Variants in CACNA1C observed in about 807,000 individuals in gnomAD.
CACNA1C encodes the protein calcium voltage-gated channel subunit alpha1 C, also known as voltage-dependent L-type calcium channel subunit alpha-1C.
A neutral mutation model predicts 229.0 loss-of-function variants in CACNA1C; 30 were observed. The observed-to-expected ratio is 0.13, with a 90% CI of 0.10 to 0.18. CACNA1C has a LOEUF of 0.18. CACNA1C is among the 10% of genes least tolerant of loss of function. The pLI, the probability that CACNA1C is intolerant of heterozygous loss-of-function variation, is 1.00. For missense variants in CACNA1C, 1,658 were observed against 2,845.0 expected, an observed-to-expected ratio of 0.58 and a Z score of 9.49; for synonymous variants, 1,114 against 1,132.5, an observed-to-expected ratio of 0.98 and a Z score of 0.33.
At chr12:2,113,153 G>A (rs933842506) in intron 1 of CACNA1C, among the ~76,000 whole-genome samples, 2 of 152,196 alleles carry the variant, frequency 1.3e-5, no homozygotes, top group East Asian at 1.9e-4. Flanking sequence ...CCTCACCTGC[G>A]TGTGGCTCAG....
At chr12:2,046,670 G>C (rs12301710) in intron 1 of CACNA1C, among the ~76,000 whole-genome samples, 1 of 152,118 alleles carries the variant, frequency 6.6e-6, no homozygotes, top group African/African-American at 2.4e-5. Context: ...ACCACACCTT[G>C]TTATCCTAAC....
chr12:2,644,357 C>T (rs1230265142), intron 30 of CACNA1C, among the ~76,000 whole-genome samples: 5 of 152,188 alleles, frequency 3.3e-5, no homozygotes, highest in African/African-American at 4.8e-5. Flanking sequence ...CTCTGGCCAC[C>T]TGACCGCAGG....
chr12:2,011,695 TC>T (rs1463246661), intron 1 of CACNA1C, among the ~76,000 whole-genome samples: 4 of 152,166 alleles, frequency 2.6e-5, no homozygotes, highest in African/African-American at 9.7e-5. Context: ...TGAAATTAGG[TC>T]AGGAAAGCAG....
intron 3 of CACNA1C, among the ~76,000 whole-genome samples, chr12:2,210,165 A>G (rs1001459858): frequency 3.9e-5 from 6 of 152,250 alleles, no homozygotes; most frequent in African/African-American, 1.4e-4. Flanking sequence ...TCTGATCTTC[A>G]GCCTGATGTG....
At chr12:2,497,908 A>G (rs2099750056) in intron 7 of CACNA1C, among the ~76,000 whole-genome samples, 1 of 150,258 alleles carries the variant, frequency 6.7e-6, no homozygotes, top group Non-Finnish European at 1.5e-5. Context: ...TGTCAGCTCC[A>G]CCCTTCATCT....
At chr12:2,450,357 A>T (rs1342776077) in intron 4 of CACNA1C, among the ~76,000 whole-genome samples, 1 of 151,834 alleles carries the variant, frequency 6.6e-6, no homozygotes, top group Non-Finnish European at 1.5e-5. Context: ...GATCGAGACC[A>T]TCCTGGCTAA....
At chr12:2,030,992 C>T (rs2048121684) in intron 1 of CACNA1C, among the ~76,000 whole-genome samples, 1 of 151,612 alleles carries the variant, frequency 6.6e-6, no homozygotes, top group African/African-American at 2.4e-5. Context: ...CAAGAACTCA[C>T]AGGTGTGTGC....
intron 3 of CACNA1C, among the ~76,000 whole-genome samples, chr12:2,137,809 A>G (rs1201632132): frequency 2.0e-5 from 3 of 151,536 alleles, no homozygotes; most frequent in Non-Finnish European, 4.4e-5. Flanking sequence ...TGACCTTTCC[A>G]AGATGGGTGG....
At chr12:2,497,692 C>A (rs915811629) in intron 7 of CACNA1C, among the ~76,000 whole-genome samples, 1 of 152,060 alleles carries the variant, frequency 6.6e-6, no homozygotes, top group African/African-American at 2.4e-5. Context: ...TCTCCGTGAT[C>A]AGTTCTTCGA....
chr12:2,121,763 G>A (rs998300794), intron 3 of CACNA1C, among the ~76,000 whole-genome samples: 2 of 152,194 alleles, frequency 1.3e-5, no homozygotes, highest in African/African-American at 4.8e-5. Context: ...CCTTCCCTTG[G>A]TTCCATTTCT....
intron 5 of CACNA1C, among the ~76,000 whole-genome samples, chr12:2,483,892 T>G (rs1347558601): frequency 6.6e-6 from 1 of 152,156 alleles, no homozygotes; most frequent in Non-Finnish European, 1.5e-5. Context: ...GACACCTATC[T>G]GGAAAGCAGG....
Position 2,690,999 on chromosome 12 carries a change from G to T in CACNA1C, c.6217G>T (p.Glu2073Ter), listed in dbSNP as rs1242078709. Residue 2073 changes from glutamate (E) to a stop codon, truncating the protein, a stop_gained, in exon 47 of 47, where the codon GAG becomes TAG. Coordinates refer to ENST00000399655, the MANE Select transcript of CACNA1C (RefSeq NM_000719.7). LOFTEE classifies it low-confidence loss of function (END_TRUNC). ...LADACDMTIE[E>*]MESAADNILS... The stretch of plus-strand genomic sequence containing the variant: ...CGACGCCTGCGACATGACCATAGAG[G>T]AGATGGAGAGCGCGGCCGACAACAT... 6.2e-7 allele frequency: 1 copy of T among 1,600,610 alleles called. No individual in the cohort carries two copies. Among genetic ancestry groups the T allele is most frequent in the East Asian group, 2.3e-5 (1 of 44,154 alleles).
intron 3 of CACNA1C, among the ~76,000 whole-genome samples, chr12:2,294,307 G>A (rs1209433020): frequency 6.6e-6 from 1 of 152,132 alleles, no homozygotes; most frequent in Non-Finnish European, 1.5e-5. Context: ...AGAAGGAAGA[G>A]CGTGGCCCAT....
intron 3 of CACNA1C, among the ~76,000 whole-genome samples, chr12:2,120,654 CTCTG>C (rs1304500232): frequency 2.0e-5 from 2 of 98,884 alleles, no homozygotes; most frequent in East Asian, 3.2e-4. Context: ...TGGTGGTGAG[CTCTG>C]TGTGTGTGTG....
chr12:2,545,220 T>TA (rs1034562745), intron 9 of CACNA1C, among the ~76,000 whole-genome samples: 55 of 151,104 alleles, frequency 3.6e-4, no homozygotes, highest in Middle Eastern at 3.4e-3. Flanking sequence ...TGATTTTTTT[T>TA]TTTTTTTTTG....
At chr12:2,230,903 A>G (rs1225468328) in intron 3 of CACNA1C, among the ~76,000 whole-genome samples, 1 of 152,196 alleles carries the variant, frequency 6.6e-6, no homozygotes, top group Non-Finnish European at 1.5e-5. Flanking sequence ...AAACCAAAGA[A>G]GGACTTGGCC....
rs144416694 is a variant in CACNA1C, at chr12:2,070,051, C to T, written c.49+16440C>T. ...AACTCCTGGCCTCAAGTGATCTTCCCGCCTTGGCCTCCCAAAATGCTGGCA... is the reference window on the plus strand; with the variant it reads ...AACTCCTGGCCTCAAGTGATCTTCCTGCCTTGGCCTCCCAAAATGCTGGCA... On this transcript the variant is annotated intron_variant, in intron 1 of 46. Coordinates refer to ENST00000399655, the MANE Select transcript of CACNA1C (RefSeq NM_000719.7). 2.5e-3 allele frequency among the ~76,000 whole-genome samples: 380 copies of T among 152,246 alleles called. 4 individuals carry two copies. The highest frequency in any genetic ancestry group is 8.3e-3 in the African/African-American group (343 of 41,546).
At chr12:2,560,848 T>TAAAAAAAAAAAAAAAAAAAAAAA (rs36012443) in intron 11 of CACNA1C, among the ~76,000 whole-genome samples, 1 of 113,096 alleles carries the variant, frequency 8.8e-6, no homozygotes, top group African/African-American at 3.4e-5. Flanking sequence ...TTGGTTCTGG[T>TAAAAAAAAAAAAAAAAAAAAAAA]AAAAAAAAAA....
chr12:2,295,732 C>T (rs1347649631), intron 3 of CACNA1C, among the ~76,000 whole-genome samples: 2 of 152,200 alleles, frequency 1.3e-5, no homozygotes, highest in Non-Finnish European at 2.9e-5. Flanking sequence ...GCGTAACCAA[C>T]CTGTGTCTTG....
Sources: allele counts gnomAD v4.1 joint callset (sites outside exome capture counted in the v4.1 genomes callset), GRCh38; gene constraint gnomAD v4.1.1; transcripts MANE v1.5; gene names NCBI Gene and HGNC (gene_info 2026-07-23, HGNC 2026-07-21).